The following CFAP58 variants were observed in gnomAD, a reference collection of about 807,000 sequenced individuals.
CFAP58 encodes cilia- and flagella-associated protein 58.
In CFAP58, 88 loss-of-function variants were observed where a neutral mutation model predicts 119.5. That is an observed-to-expected ratio of 0.74 (90% CI 0.62 to 0.88). The LOEUF is 0.88. Among genes scored for constraint, CFAP58 ranks in the 40% least tolerant of loss-of-function variants. The probability of loss-of-function intolerance (pLI) is 0.00; values close to 1 mark genes in which losing one functional copy is unlikely to be tolerated. For missense variants in CFAP58, 990 were observed against 1,021.2 expected, an observed-to-expected ratio of 0.97 and a Z score of 0.42; for synonymous variants, 365 against 366.3, an observed-to-expected ratio of 1.00 and a Z score of 0.04.
chr10:104,432,797 G>A (rs145840586), intron 15 of CFAP58, among the ~76,000 whole-genome samples: 20 of 152,182 alleles, frequency 1.3e-4, no homozygotes, highest in African/African-American at 3.1e-4. Flanking sequence ...CACCGCGCCC[G>A]GCCAGTAGGC....
At chr10:104,453,873 A>G (rs554085006) in intron 17 of CFAP58, among the ~76,000 whole-genome samples, 10 of 152,008 alleles carry the variant, frequency 6.6e-5, no homozygotes, top group African/African-American at 2.4e-4. Context: ...CAAAAATACT[A>G]TTTATCTTCC....
In CFAP58 at chr10:104,453,121, C is replaced by T. The variant is rs79227513; in HGVS notation, c.2511-1301C>T. 8.1e-3 allele frequency among the ~76,000 whole-genome samples: 1,236 copies of T among 152,074 alleles called. 22 individuals carry two copies. Among genetic ancestry groups the T allele is most frequent in the East Asian group, 0.067 (348 of 5,168 alleles). ...CAGAAGCATTAAGCGTAAGCTCCTT[C>T]AGGAAAAGAAAATTCAGGTTATTTA... On this transcript the variant is annotated intron_variant, in intron 17 of 17. Transcript: ENST00000369704.
intron 13 of CFAP58, among the ~76,000 whole-genome samples, chr10:104,401,412 T>C (rs2012262984): frequency 6.6e-6 from 1 of 152,238 alleles, no homozygotes; most frequent in African/African-American, 2.4e-5. Flanking sequence ...ATTTTGTATC[T>C]CACTTTTGAT....
At chr10:104,370,180 C>T (rs61861166) in intron 6 of CFAP58, among the ~76,000 whole-genome samples, 14,300 of 152,238 alleles carry the variant, frequency 0.094, 896 homozygotes, top group Non-Finnish European at 0.14. Context: ...TTCACAAGTT[C>T]ATGAAAATTG....
chr10:104,449,319 C>A (rs756781070), intron 16 of CFAP58, among the ~76,000 whole-genome samples: 2 of 152,116 alleles, frequency 1.3e-5, no homozygotes, highest in Admixed American at 6.5e-5. Flanking sequence ...AAACAACAAG[C>A]AAGAGGAAAA....
At chr10:104,366,745 C>T (rs2014756590) in intron 5 of CFAP58, among the ~76,000 whole-genome samples, 1 of 152,202 alleles carries the variant, frequency 6.6e-6, no homozygotes, top group Non-Finnish European at 1.5e-5. Context: ...ACATTTACAT[C>T]ACTGCAGAAA....
At chr10:104,427,276 G>C (rs1332817421) in intron 15 of CFAP58, among the ~76,000 whole-genome samples, 2 of 152,136 alleles carry the variant, frequency 1.3e-5, no homozygotes, top group African/African-American at 4.8e-5. Flanking sequence ...AAATTAATTA[G>C]AATTCTCAGT....
chr10:104,340,440 C>T, the CFAP58 span, among the ~76,000 whole-genome samples: 1 of 152,188 alleles, frequency 6.6e-6, no homozygotes, highest in Non-Finnish European at 1.5e-5. Flanking sequence ...ATTGTATGCT[C>T]AGTCTTCCTG....
At position 104,406,802 on chromosome 10, in the gene CFAP58, T is replaced by G. The variant is rs372428769; in HGVS notation, c.2256+9T>G. The G allele has an allele frequency of 2.7e-5, 43 of 1,611,386 alleles. No individual in the cohort carries two copies. Among genetic ancestry groups the G allele is most frequent in the Non-Finnish European group, 3.5e-5 (41 of 1,177,608 alleles). On this transcript the variant is annotated intron_variant, in intron 15 of 17. Transcript: ENST00000369704. ...AAGAGCTGCTCCTCCAGGTAGCATT[T>G]TTGTTTTCTGTACTCATTGTACAAG...
At chr10:104,407,227 A>G (rs2012378058) in intron 15 of CFAP58, among the ~76,000 whole-genome samples, 1 of 152,164 alleles carries the variant, frequency 6.6e-6, no homozygotes, top group Non-Finnish European at 1.5e-5. Flanking sequence ...CTTTTTGAGG[A>G]TTTTATGCAG....
intron 15 of CFAP58, among the ~76,000 whole-genome samples, chr10:104,429,954 G>T (rs1008332195): frequency 2.0e-5 from 3 of 151,866 alleles, no homozygotes; most frequent in African/African-American, 7.3e-5. Flanking sequence ...CCTCCCACTC[G>T]GGGAGGGGTC....
At chr10:104,361,650 CA>C (rs1281216623) in intron 2 of CFAP58, among the ~76,000 whole-genome samples, 3 of 152,110 alleles carry the variant, frequency 2.0e-5, no homozygotes, top group Admixed American at 2.0e-4. Flanking sequence ...CTCAGCTACA[CA>C]AGAAAAAATA....
At chr10:104,437,868 C>A (rs958529626) in intron 15 of CFAP58, among the ~76,000 whole-genome samples, 4 of 151,920 alleles carry the variant, frequency 2.6e-5, no homozygotes, top group African/African-American at 9.7e-5. Flanking sequence ...AATCTTGCTA[C>A]GTTAAAATTA....
chr10:104,426,015 T>A (rs1467470662), intron 15 of CFAP58, among the ~76,000 whole-genome samples: 2 of 152,256 alleles, frequency 1.3e-5, no homozygotes, highest in Middle Eastern at 3.4e-3. Flanking sequence ...GTGGATTGCT[T>A]GAGCTCAGGA....
intron 6 of CFAP58, among the ~76,000 whole-genome samples, chr10:104,368,857 T>G (rs1223425364): frequency 2.6e-5 from 4 of 152,218 alleles, no homozygotes; most frequent in African/African-American, 9.6e-5. Flanking sequence ...TGCTCAAATC[T>G]AGCAATCCAT....
At chr10:104,393,014 C>T (rs553928847) in intron 10 of CFAP58, among the ~76,000 whole-genome samples, 28 of 152,306 alleles carry the variant, frequency 1.8e-4, no homozygotes, top group Admixed American at 5.9e-4. Flanking sequence ...AATTCCAGAG[C>T]TTCACTTCAA....
chr10:104,412,845 A>T lies in CFAP58; in HGVS notation c.2256+6052A>T, dbSNP rs559476438. Among the ~76,000 whole-genome samples, 6 of 152,312 alleles carry T rather than the reference A, an allele frequency of 3.9e-5. No homozygotes were observed. The South Asian group carries it at 1.2e-3, about 32-fold the overall frequency. On this transcript the variant is annotated intron_variant, in intron 15 of 17. Transcript: ENST00000369704. Reference sequence around the variant, plus strand: ...GCACACAGATGCTCATTATAGACGGACTGGCTCTCTGCCTGGGCAACTCCT... The same window carrying T: ...GCACACAGATGCTCATTATAGACGGTCTGGCTCTCTGCCTGGGCAACTCCT...
chr10:104,364,749 A>C lies in CFAP58; in HGVS notation c.457A>C (p.Arg153=). 1 of 1,613,042 alleles carries C rather than the reference A, an allele frequency of 6.2e-7. No individual in the cohort carries two copies. Among genetic ancestry groups the C allele is most frequent in the Non-Finnish European group, 8.5e-7 (1 of 1,179,554 alleles). Reference sequence around the variant, plus strand: ...CCTTTTTAGCATCCGAGATTTACTGAGGTTCAAAGAAGAAGTGACAAAGGA... The same window carrying C: ...CCTTTTTAGCATCCGAGATTTACTGCGGTTCAAAGAAGAAGTGACAAAGGA... ...DQHSNIRDLL[R]FKEEVTKERD... is the part of the protein sequence containing the mutation. The change falls in exon 4 of 18, where the codon AGG becomes CGG. Residue 153 remains arginine (R), a synonymous_variant. Coordinates refer to ENST00000369704, the MANE Select transcript of CFAP58 (RefSeq NM_001008723.2).
chr10:104,393,447 G>C lies in CFAP58; in HGVS notation c.1646G>C (p.Arg549Pro), dbSNP rs61732088. 1 of 1,613,630 alleles carries C rather than the reference G, an allele frequency of 6.2e-7. No individual in the cohort carries two copies. The highest frequency in any genetic ancestry group is 8.5e-7 in the Non-Finnish European group (1 of 1,179,778). The change falls in exon 11 of 18, where the codon CGA becomes CCA. Residue 549 changes from arginine to proline, a missense_variant. Coordinates refer to ENST00000369704, the MANE Select transcript of CFAP58 (RefSeq NM_001008723.2). ...GTGAAGCTGCACCTGGAACAGCAGC[G>C]AATAGAAAAGGAAAAGGAAACATTG... ...ALVKLHLEQQRIEKEKETLKA... is the reference protein window; with the variant it reads ...ALVKLHLEQQPIEKEKETLKA...
Sources: allele counts gnomAD v4.1 joint callset (sites outside exome capture counted in the v4.1 genomes callset), GRCh38; gene constraint gnomAD v4.1.1; transcripts MANE v1.5; gene names NCBI Gene and HGNC (gene_info 2026-07-23, HGNC 2026-07-21).